Variants in LRRC7 observed in about 807,000 individuals in gnomAD.
LRRC7 encodes leucine-rich repeat-containing protein 7.
Under a neutral mutation model 175.7 loss-of-function variants are expected in LRRC7, and 23 were observed. That is an observed-to-expected ratio of 0.13 (90% CI 0.09 to 0.19). The LOEUF (loss-of-function observed/expected upper bound fraction) is 0.19. LRRC7 is among the 10% of genes least tolerant of loss of function. The pLI, the probability that LRRC7 is intolerant of heterozygous loss-of-function variation, is 1.00. For synonymous variants in LRRC7, 685 were observed against 680.9 expected, an observed-to-expected ratio of 1.01 and a Z score of -0.09; for missense variants, 1,354 against 1,904.7, an observed-to-expected ratio of 0.71 and a Z score of 5.38.
chr1:69,770,814 T>C (rs566448832), intron 3 of LRRC7, among the ~76,000 whole-genome samples: 2 of 152,290 alleles, frequency 1.3e-5, no homozygotes, highest in East Asian at 3.9e-4. Context: ...GGGCTCTCCT[T>C]AGATCCTGGG....
chr1:69,741,878 A>T (rs1209036015), intron 2 of LRRC7, among the ~76,000 whole-genome samples: 2 of 152,026 alleles, frequency 1.3e-5, no homozygotes, highest in Non-Finnish European at 2.9e-5. Flanking sequence ...GCAGCAAGAT[A>T]CAAACGCAAA....
intron 4 of LRRC7, among the ~76,000 whole-genome samples, chr1:69,817,892 G>A (rs1331114097): frequency 6.6e-6 from 1 of 151,966 alleles, no homozygotes; most frequent in Non-Finnish European, 1.5e-5. Flanking sequence ...ATTATTGTAA[G>A]CATTGTTTTA....
chr1:69,584,877 A>G (rs1646345551), intron 1 of LRRC7, among the ~76,000 whole-genome samples: 1 of 150,450 alleles, frequency 6.6e-6, no homozygotes, highest in South Asian at 2.1e-4. Context: ...CTACCACCTC[A>G]GGCCCTTTGC....
chr1:69,722,183 C>G (rs771401280), intron 2 of LRRC7, among the ~76,000 whole-genome samples: 1 of 151,820 alleles, frequency 6.6e-6, no homozygotes, highest in Middle Eastern at 3.2e-3. Flanking sequence ...AATTGTAGCA[C>G]GTTTAGACAC....
intron 1 of LRRC7, chr1:69,607,923 G>T (rs1340962947): frequency 1.3e-5 from 2 of 152,162 alleles, no homozygotes; most frequent in African/African-American, 4.8e-5. Flanking sequence ...CTTCCCAAAT[G>T]AACCTTGGAG....
intron 1 of LRRC7, among the ~76,000 whole-genome samples, chr1:69,616,542 T>G (rs1260187123): frequency 6.6e-6 from 1 of 152,086 alleles, no homozygotes; most frequent in African/African-American, 2.4e-5. Context: ...ATAGAAAGCT[T>G]AATGTAAAAT....
chr1:69,693,651 A>T (rs1161129249), intron 2 of LRRC7, among the ~76,000 whole-genome samples: 1 of 152,328 alleles, frequency 6.6e-6, no homozygotes, highest in Admixed American at 6.5e-5. Flanking sequence ...TCATCCAAAA[A>T]CACCCTCACA....
intron 3 of LRRC7, among the ~76,000 whole-genome samples, chr1:69,781,707 GAA>G (rs1479292084): frequency 3.9e-5 from 1 of 25,730 alleles, no homozygotes; most frequent in African/African-American, 2.5e-4. Flanking sequence ...AAGAAAGAAA[GAA>G]AGAAAGAAAG....
At position 69,761,283 on chromosome 1, in the gene LRRC7, A is replaced by G. The variant is rs1671007426; in HGVS notation, c.303+890A>G. Among the ~76,000 whole-genome samples the G allele has an allele frequency of 3.3e-5, 5 of 152,090 alleles. No individual in the cohort carries two copies. The South Asian group carries it at 8.3e-4, about 25-fold the overall frequency. On this transcript the variant is annotated intron_variant, in intron 3 of 26. Coordinates refer to ENST00000651989, the MANE Select transcript of LRRC7 (RefSeq NM_001370785.2). ...CTGTTGCTTATGCTAAAAAGTAAAAATGTATATTAAATATGCAGTAATCAG... is the reference window on the plus strand; with the variant it reads ...CTGTTGCTTATGCTAAAAAGTAAAAGTGTATATTAAATATGCAGTAATCAG...
At chr1:69,889,459 C>T (rs977375151) in intron 7 of LRRC7, among the ~76,000 whole-genome samples, 3 of 152,138 alleles carry the variant, frequency 2.0e-5, no homozygotes, top group Non-Finnish European at 1.5e-5. Flanking sequence ...TGAATTCTTT[C>T]TTGTCATTTC....
Position 69,931,568 on chromosome 1 carries a change from C to A in LRRC7, c.709C>A (p.Leu237Met), listed in dbSNP as rs777791456. 5.0e-6 allele frequency: 8 copies of A among 1,612,770 alleles called. No homozygotes were observed. Among genetic ancestry groups the A allele is most frequent in the Admixed American group, 1.7e-5 (1 of 59,984 alleles). ...LDLGNNEFGE[L>M]PEVLDQIQNL... is the part of the protein sequence containing the mutation. Reference sequence around the variant, plus strand: ...CCTAGGCAATAATGAATTCGGTGAGCTGGTAAGCAAATGCATTTTCTAAAC... The same window carrying A: ...CCTAGGCAATAATGAATTCGGTGAGATGGTAAGCAAATGCATTTTCTAAAC... Residue 237 changes from leucine (L) to methionine (M), a missense_variant and splice_region_variant, in exon 8 of 27, where the codon CTG (leucine) becomes ATG (methionine). Physicochemically the swap from Leu to Met is conservative, Grantham distance 15 (BLOSUM62 2). This residue lies in a region of LRRC7 where 201 missense variants were observed against 481.4 expected (regional missense o/e 0.42). Coordinates refer to ENST00000651989, the MANE Select transcript of LRRC7 (RefSeq NM_001370785.2).
chr1:70,114,861 C>A (rs1332428284), intron 26 of LRRC7, among the ~76,000 whole-genome samples: 1 of 151,840 alleles, frequency 6.6e-6, no homozygotes, highest in Non-Finnish European at 1.5e-5. Context: ...ACATGAAAAC[C>A]AATAAAACAA....
At position 70,074,160 on chromosome 1, in the gene LRRC7, C is replaced by G. The variant is rs145416679; in HGVS notation, c.4231-1917C>G. 6.4e-4 allele frequency among the ~76,000 whole-genome samples: 97 copies of G among 151,676 alleles called. No individual in the cohort carries two copies. In the East Asian group the frequency reaches 0.018, roughly 28 times the overall value. On this transcript the variant is annotated intron_variant, in intron 23 of 26. Coordinates refer to ENST00000651989, the MANE Select transcript of LRRC7 (RefSeq NM_001370785.2). Reference sequence around the variant, plus strand: ...GAGGATGCAGTGCACCAAGATCGTGCCACTGCACTCCAGCCTGGGCAACAG... The same window carrying G: ...GAGGATGCAGTGCACCAAGATCGTGGCACTGCACTCCAGCCTGGGCAACAG...
chr1:69,662,478 T>C (rs903567610), intron 1 of LRRC7, among the ~76,000 whole-genome samples: 2 of 152,216 alleles, frequency 1.3e-5, no homozygotes, highest in Non-Finnish European at 2.9e-5. Flanking sequence ...GAAACATTGC[T>C]GGTCTTTGTT....
intron 5 of LRRC7, among the ~76,000 whole-genome samples, chr1:69,833,568 AT>A (rs967432596): frequency 1.3e-5 from 2 of 152,164 alleles, no homozygotes; most frequent in African/African-American, 4.8e-5. Context: ...TAAGTGTTTT[AT>A]ATATACATAC....
intron 8 of LRRC7, among the ~76,000 whole-genome samples, chr1:69,932,809 G>A (rs866169627): frequency 2.0e-5 from 3 of 152,294 alleles, no homozygotes; most frequent in Middle Eastern, 3.4e-3. Flanking sequence ...TGTGACCTGG[G>A]CAATAAGGAC....
At chr1:69,781,701 AAG>A (rs376196262) in intron 3 of LRRC7, among the ~76,000 whole-genome samples, 2,373 of 28,424 alleles carry the variant, frequency 0.083, 184 homozygotes, top group East Asian at 0.18. Flanking sequence ...GAAAGAAAGA[AAG>A]AAAGAAAGAA....
intron 25 of LRRC7, among the ~76,000 whole-genome samples, chr1:70,104,039 C>T (rs1664981604): frequency 6.6e-6 from 1 of 152,124 alleles, no homozygotes; most frequent in African/African-American, 2.4e-5. Context: ...TAAGATCTTG[C>T]TAGCGGAGTT....
intron 21 of LRRC7, 119 bp downstream of exon 21, chr1:70,039,912 T>A: frequency 7.9e-7 from 1 of 1,272,032 alleles, no homozygotes; most frequent in Non-Finnish European, 1.1e-6. Flanking sequence ...ATCAGTATTT[T>A]ATTTATCTTT....
Sources: gnomAD v4.1 joint callset for allele counts (sites outside exome capture counted in the v4.1 genomes callset) on GRCh38, gnomAD v4.1.1 for gene constraint, gnomAD v4.1.1 regional missense constraint, MANE v1.5 for transcripts, NCBI Gene and HGNC (gene_info 2026-07-23, HGNC 2026-07-21) for gene names.